TTC29: variants seen among roughly 807,000 people sequenced by gnomAD.
TTC29 encodes tetratricopeptide repeat domain 29, also known as tetratricopeptide repeat protein 29.
A neutral mutation model predicts 58.1 loss-of-function variants in TTC29; 49 were observed. The ratio of observed to expected loss-of-function variants is 0.84; its 90% confidence interval spans 0.67 to 1.07. The LOEUF (loss-of-function observed/expected upper bound fraction) is 1.07. TTC29 is among the 50% of genes least tolerant of loss of function. The probability of loss-of-function intolerance (pLI) is 0.00; values close to 1 mark genes in which losing one functional copy is unlikely to be tolerated. For synonymous variants in TTC29, 209 were observed against 196.8 expected (o/e 1.06, Z -0.52); for missense variants, 582 against 555.6 (o/e 1.05, Z -0.48).
chr4:146,807,162 C>G (rs971492204), intron 10 of TTC29, among the ~76,000 whole-genome samples: 2 of 152,044 alleles, frequency 1.3e-5, no homozygotes, highest in Non-Finnish European at 2.9e-5. Context: ...AAAATTAAGG[C>G]AGAAATAAAT....
chr4:146,887,555 T>A (rs1184596743), intron 6 of TTC29, among the ~76,000 whole-genome samples: 1 of 152,146 alleles, frequency 6.6e-6, no homozygotes, highest in East Asian at 1.9e-4. Context: ...ATGGCAAAAT[T>A]GTTCAATTAC....
Position 146,719,173 on chromosome 4 carries a change from T to C in TTC29, c.1331-11622A>G, listed in dbSNP as rs1743166467. ...CCAGATTTGTTCTTTTTGCTCATCATTGCCTTGGCTATTGGGGTGTGTGTG... is the reference window on the plus strand; with the variant it reads ...CCAGATTTGTTCTTTTTGCTCATCACTGCCTTGGCTATTGGGGTGTGTGTG... On this transcript the variant is annotated intron_variant, in intron 11 of 12. Transcript: ENST00000325106. 2.0e-5 allele frequency among the ~76,000 whole-genome samples: 3 copies of C among 149,604 alleles called. No individual in the cohort carries two copies. In the South Asian group the frequency reaches 6.4e-4, roughly 32 times the overall value.
chr4:146,841,254 C>T (rs1728833399), intron 8 of TTC29, among the ~76,000 whole-genome samples: 1 of 152,010 alleles, frequency 6.6e-6, no homozygotes, highest in Non-Finnish European at 1.5e-5. Context: ...TCTGTTATTC[C>T]AAGTTTTCAA....
At chr4:146,794,462 T>TA (rs1749690892) in intron 11 of TTC29, among the ~76,000 whole-genome samples, 1 of 152,128 alleles carries the variant, frequency 6.6e-6, no homozygotes, top group East Asian at 1.9e-4. Flanking sequence ...CTGGTGATGG[T>TA]AAAAACTTGG....
At chr4:146,764,607 G>A (rs527893904) in intron 11 of TTC29, among the ~76,000 whole-genome samples, 2 of 152,126 alleles carry the variant, frequency 1.3e-5, no homozygotes, top group Non-Finnish European at 2.9e-5. Context: ...GCTCAGTTAT[G>A]TAAGAATTTT....
chr4:146,927,989 T>C (rs1290349665), intron 4 of TTC29, among the ~76,000 whole-genome samples: 1 of 152,192 alleles, frequency 6.6e-6, no homozygotes, highest in African/African-American at 2.4e-5. Flanking sequence ...GAAACAATTA[T>C]ACTGTATTGC....
chr4:146,830,388 A>G (rs944048112), intron 9 of TTC29, among the ~76,000 whole-genome samples: 4 of 152,102 alleles, frequency 2.6e-5, no homozygotes, highest in African/African-American at 2.4e-5. Context: ...GTGTTTTTCA[A>G]TTGAGGGCTT....
chr4:146,866,344 T>A (rs1185522903), intron 8 of TTC29, among the ~76,000 whole-genome samples: 1 of 152,208 alleles, frequency 6.6e-6, no homozygotes, highest in Non-Finnish European at 1.5e-5. Context: ...TGTACGCATG[T>A]GTGCACACAC....
intron 8 of TTC29, among the ~76,000 whole-genome samples, chr4:146,854,224 A>G (rs1412392848): frequency 6.6e-6 from 1 of 152,078 alleles, no homozygotes; most frequent in Non-Finnish European, 1.5e-5. Flanking sequence ...CACATCTCAA[A>G]GTCAGCTTCT....
rs999414827 is a variant in TTC29 at position 146,850,847 on chromosome 4, A to C, written c.885+16651T>G. ...AAACTTATAAAATGGAGATATAAAC[A>C]ATCATTCTGCTGTAAGCTAATATAA... On this transcript the variant is annotated intron_variant, in intron 8 of 12. Transcript: ENST00000325106. 3.3e-5 allele frequency among the ~76,000 whole-genome samples: 5 copies of C among 152,362 alleles called. No individual in the cohort carries two copies. In the East Asian group the frequency reaches 9.6e-4, roughly 29 times the overall value.
intron 6 of TTC29, among the ~76,000 whole-genome samples, chr4:146,876,476 T>A (rs1175560081): frequency 6.6e-6 from 1 of 152,206 alleles, no homozygotes; most frequent in Non-Finnish European, 1.5e-5. Context: ...CATTGAATAG[T>A]GTGGGTTGGA....
At chr4:146,876,060 C>G (rs1257798471) in intron 6 of TTC29, among the ~76,000 whole-genome samples, 1 of 152,144 alleles carries the variant, frequency 6.6e-6, no homozygotes, top group African/African-American at 2.4e-5. Flanking sequence ...AGTGTGGGCT[C>G]CGAGCAGACA....
At chr4:146,714,726 A>C (rs1742798382) in intron 11 of TTC29, among the ~76,000 whole-genome samples, 1 of 152,206 alleles carries the variant, frequency 6.6e-6, no homozygotes, top group Non-Finnish European at 1.5e-5. Flanking sequence ...GCATATTTGC[A>C]CTACAAGTCC....
chr4:146,823,284 G>A (rs147814215), intron 9 of TTC29, among the ~76,000 whole-genome samples: 2,523 of 152,228 alleles, frequency 0.017, 85 homozygotes, highest in East Asian at 0.14. Flanking sequence ...TTTTGTATAA[G>A]GTGTAAGGAA....
At chr4:146,861,649 G>A (rs1053931029) in intron 8 of TTC29, among the ~76,000 whole-genome samples, 2 of 152,028 alleles carry the variant, frequency 1.3e-5, no homozygotes, top group African/African-American at 2.4e-5. Context: ...TTCTATGACT[G>A]TATTAATACT....
intron 9 of TTC29, among the ~76,000 whole-genome samples, chr4:146,828,450 C>A (rs538812265): frequency 6.6e-6 from 1 of 152,052 alleles, no homozygotes; most frequent in South Asian, 2.1e-4. Flanking sequence ...ATGATGATTT[C>A]TCTGAATATC....
chr4:146,763,432 G>T (rs1244182998), intron 11 of TTC29, among the ~76,000 whole-genome samples: 2 of 152,004 alleles, frequency 1.3e-5, no homozygotes, highest in Non-Finnish European at 2.9e-5. Flanking sequence ...GGTGGTTATA[G>T]ATCTCAGGCC....
intron 4 of TTC29, among the ~76,000 whole-genome samples, chr4:146,914,409 T>C (rs1031049358): frequency 2.6e-5 from 4 of 152,216 alleles, no homozygotes; most frequent in Non-Finnish European, 5.9e-5. Context: ...AAAACTTTTA[T>C]GAATATTAGT....
At chr4:146,892,520 G>C (rs1478880577) in intron 6 of TTC29, among the ~76,000 whole-genome samples, 2 of 152,276 alleles carry the variant, frequency 1.3e-5, no homozygotes, top group East Asian at 3.9e-4. Context: ...ATTAGGTATT[G>C]ATGGGACGTA....
Sources: allele counts gnomAD v4.1 joint callset (sites outside exome capture counted in the v4.1 genomes callset), GRCh38; gene constraint gnomAD v4.1.1; transcripts MANE v1.5; gene names NCBI Gene and HGNC (gene_info 2026-07-23, HGNC 2026-07-21).